CNBD2: variants seen among roughly 807,000 people sequenced by gnomAD.
CNBD2 encodes cyclic nucleotide-binding domain-containing protein 2.
CNBD2 carries 64 observed loss-of-function variants against 63.7 expected under a neutral mutation model. The observed-to-expected ratio is 1.00, with a 90% CI of 0.82 to 1.24. The LOEUF is 1.24. Among genes scored for constraint, CNBD2 ranks in the 50% most tolerant of loss-of-function variants. The pLI, the probability that CNBD2 is intolerant of heterozygous loss-of-function variation, is 0.00. For synonymous variants in CNBD2, 229 were observed against 255.4 expected (o/e 0.90, Z 0.99); for missense variants, 691 against 713.5 (o/e 0.97, Z 0.36).
intron 7 of CNBD2, 124 bp from the exon 8 acceptor site, chr20:35,994,914 C>G: frequency 1.6e-6 from 1 of 630,624 alleles, no homozygotes; most frequent in Middle Eastern, 2.6e-4. Context: ...GAACCTGAAA[C>G]CACTTGCATT....
intron 10 of CNBD2, among the ~76,000 whole-genome samples, chr20:36,011,608 C>T (rs1217974919): frequency 6.6e-6 from 1 of 152,078 alleles, no homozygotes; most frequent in Non-Finnish European, 1.5e-5. Context: ...TTCCCTCTTA[C>T]CACTCCTATT....
At position 35,961,615 on chromosome 20, in the gene CNBD2, A is replaced by G. The variant is rs536040666; in HGVS notation, c.228+3841A>G. ...CCTCTCCTGCTTTTTTCAGTAATAT[A>G]TTTGTATAAGTCTTGTGTTATTTCT... On this transcript the variant is annotated intron_variant, in intron 2 of 4. Coordinates refer to the CNBD2 transcript ENST00000622112. 1.5e-3 allele frequency among the ~76,000 whole-genome samples: 227 copies of G among 151,490 alleles called. 1 individual carries two copies. The highest frequency in any genetic ancestry group is 5.3e-3 in the African/African-American group (220 of 41,212).
intron 8 of CNBD2, among the ~76,000 whole-genome samples, chr20:36,000,952 A>T (rs2056890200): frequency 6.8e-6 from 1 of 147,526 alleles, no homozygotes; most frequent in Non-Finnish European, 1.5e-5. Context: ...GATGACTCTT[A>T]ACGAGCATGC....
chr20:36,008,920 G>T (rs1266225517), intron 9 of CNBD2, among the ~76,000 whole-genome samples: 3 of 152,084 alleles, frequency 2.0e-5, no homozygotes, highest in Non-Finnish European at 4.4e-5. Context: ...TATTTTAGAG[G>T]TCAAGGGACT....
upstream of CNBD2, among the ~76,000 whole-genome samples, chr20:35,966,603 T>G (rs999918578): frequency 6.6e-6 from 1 of 152,184 alleles, no homozygotes; most frequent in African/African-American, 2.4e-5. Context: ...CCAAGTTCCA[T>G]TCAATATTTG....
At chr20:36,027,200 T>C (rs2057292186) in intron 11 of CNBD2, among the ~76,000 whole-genome samples, 1 of 152,256 alleles carries the variant, frequency 6.6e-6, no homozygotes, top group Non-Finnish European at 1.5e-5. Context: ...CTTACACATT[T>C]TCTTTACTTG....
intron 6 of CNBD2, 139 bp downstream of exon 6, chr20:35,984,917 CA>C (rs1443186333): frequency 1.3e-6 from 1 of 776,416 alleles, no homozygotes; most frequent in Non-Finnish European, 2.2e-6. Context: ...ACCTCGTACC[CA>C]CCTTCTCTCT....
intron 4 of CNBD2, among the ~76,000 whole-genome samples, chr20:35,981,040 C>T (rs758484922): frequency 6.6e-6 from 1 of 152,166 alleles, no homozygotes; most frequent in Non-Finnish European, 1.5e-5. Context: ...CTTGAATTAC[C>T]ACTGAGGTCA....
chr20:36,030,453 A>G lies in CNBD2; in HGVS notation c.1536A>G (p.Gln512=). Residue 512 remains glutamine, a synonymous_variant, in exon 12 of 12, where the codon CAA becomes CAG. Transcript: ENST00000373973. ...TGCTCGTGGAGCCTTGCCAAAGTCA[A>G]CTGTTCACTCCAAACCGGCCCAAGA... is the stretch of plus-strand genomic sequence containing the variant. The part of the protein sequence containing the change: ...LQLLVEPCQS[Q]LFTPNRPKKR... The G allele has an allele frequency of 6.2e-7, 1 of 1,614,142 alleles. No homozygotes were observed. Among genetic ancestry groups the G allele is most frequent in the Non-Finnish European group, 8.5e-7 (1 of 1,180,026 alleles).
intron 8 of CNBD2, among the ~76,000 whole-genome samples, chr20:36,000,407 C>T (rs2056880042): frequency 6.6e-6 from 1 of 152,058 alleles, no homozygotes; most frequent in Admixed American, 6.6e-5. Context: ...GACAGAGTCT[C>T]ACTCTGTTAC....
At chr20:35,984,249 C>T in intron 5 of CNBD2, 111 bp downstream of exon 5, 2 of 1,169,830 alleles carry the variant, frequency 1.7e-6, no homozygotes, top group Non-Finnish European at 2.4e-6. Flanking sequence ...CTGTACAAGT[C>T]AGTGTCCCGT....
downstream of CNBD2, among the ~76,000 whole-genome samples, chr20:35,956,016 G>A (rs778253353): frequency 9.2e-5 from 14 of 152,116 alleles, no homozygotes; most frequent in Non-Finnish European, 2.1e-4. Context: ...CCACCGTGCC[G>A]GGCCACAAAT....
At chr20:35,966,183 A>G (rs58399255), upstream of CNBD2, among the ~76,000 whole-genome samples, 9,801 of 151,910 alleles carry the variant, frequency 0.065, 527 homozygotes, top group African/African-American at 0.16. Flanking sequence ...AAAACTCCAT[A>G]CCTCATCTCT....
chr20:35,987,260 TAATTGG>T, intron 6 of CNBD2, 129 bp from the exon 7 acceptor site: 2 of 912,770 alleles, frequency 2.2e-6, no homozygotes, highest in Non-Finnish European at 3.4e-6. Context: ...CAAGGCCAGG[TAATTGG>T]GCAGGTAGCA....
At chr20:35,972,966 T>C in intron 2 of CNBD2, 200 bp downstream of exon 2, 1 of 591,938 alleles carries the variant, frequency 1.7e-6, no homozygotes, top group Non-Finnish European at 2.9e-6. Context: ...TACCTAATAC[T>C]GAACCCCAGA....
downstream of CNBD2, among the ~76,000 whole-genome samples, chr20:35,957,291 T>C (rs901805193): frequency 1.1e-4 from 16 of 152,146 alleles, no homozygotes; most frequent in African/African-American, 3.9e-4. Flanking sequence ...TGAAACAAGA[T>C]TGGCTCAGTA....
intron 2 of CNBD2, chr20:35,974,519 A>G (rs1326116263): frequency 6.5e-6 from 1 of 153,882 alleles, no homozygotes; most frequent in African/African-American, 2.4e-5. Context: ...TCTCAAGGGC[A>G]GCCTATAAGG....
At chr20:35,975,139 C>G (rs1276608931) in intron 2 of CNBD2, among the ~76,000 whole-genome samples, 4 of 134,206 alleles carry the variant, frequency 3.0e-5, no homozygotes, top group African/African-American at 1.2e-4. Context: ...GTAGCTGGGA[C>G]TACAGGCGCC....
rs564273762 is a variant in CNBD2 at position 36,009,941 on chromosome 20, A to G, written c.1149-1196A>G. Among the ~76,000 whole-genome samples the G allele has an allele frequency of 5.3e-5, 8 of 151,974 alleles. No homozygotes were observed. In the East Asian group the frequency reaches 1.5e-3, roughly 29 times the overall value. On this transcript the variant is annotated intron_variant, in intron 9 of 11. Coordinates refer to ENST00000373973, the MANE Select transcript of CNBD2 (RefSeq NM_001365709.1). Reference sequence around the variant, plus strand: ...ATCATTCCCATTTTTCAGGTGAGAAAACCAAGGTACGGGGAGAGATTGAGT... The same window carrying G: ...ATCATTCCCATTTTTCAGGTGAGAAGACCAAGGTACGGGGAGAGATTGAGT...
Sources: allele counts gnomAD v4.1 joint callset (sites outside exome capture counted in the v4.1 genomes callset), GRCh38; gene constraint gnomAD v4.1.1; transcripts MANE v1.5; gene names NCBI Gene and HGNC (gene_info 2026-07-23, HGNC 2026-07-21).